Variants in SLC4A10 observed in about 807,000 individuals in gnomAD.
SLC4A10 encodes the protein sodium-driven chloride bicarbonate exchanger.
Under a neutral mutation model 137.7 loss-of-function variants are expected in SLC4A10, and 42 were observed. The observed-to-expected ratio is 0.30, with a 90% CI of 0.24 to 0.39. SLC4A10 has a LOEUF of 0.39. Ranked by LOEUF, SLC4A10 falls within the 10% of genes least tolerant of loss-of-function variation. The pLI is 1.00. For synonymous variants in SLC4A10, 474 were observed against 464.1 expected, an observed-to-expected ratio of 1.02 and a Z score of -0.27; for missense variants, 925 against 1,355.0, an observed-to-expected ratio of 0.68 and a Z score of 4.98.
chr2:161,916,006 G>A (rs55693861), intron 15 of SLC4A10, among the ~76,000 whole-genome samples: 10,198 of 152,180 alleles, frequency 0.067, 446 homozygotes, highest in East Asian at 0.13. Context: ...GAGACCATGT[G>A]AGGACACAGC....
intron 1 of SLC4A10, among the ~76,000 whole-genome samples, chr2:161,768,101 T>C (rs979370701): frequency 6.6e-6 from 1 of 152,006 alleles, no homozygotes; most frequent in Non-Finnish European, 1.5e-5. Flanking sequence ...TAGGCAAAGG[T>C]CTAACTGACT....
chr2:161,746,136 A>G (rs1013935293), intron 1 of SLC4A10, among the ~76,000 whole-genome samples: 6 of 151,962 alleles, frequency 3.9e-5, no homozygotes, highest in Non-Finnish European at 8.8e-5. Flanking sequence ...TAAGTAGGTG[A>G]TGAATCTTCC....
At chr2:161,853,730 T>G (rs1480183776) in intron 4 of SLC4A10, among the ~76,000 whole-genome samples, 1 of 152,240 alleles carries the variant, frequency 6.6e-6, no homozygotes, top group Non-Finnish European at 1.5e-5. Flanking sequence ...ATGTAAGTTT[T>G]TTCAATATGG....
At chr2:161,773,919 G>C (rs1304676776) in intron 2 of SLC4A10, among the ~76,000 whole-genome samples, 1 of 151,374 alleles carries the variant, frequency 6.6e-6, no homozygotes, top group East Asian at 1.9e-4. Flanking sequence ...CATGCGGTCG[G>C]TACATTCTTT....
intron 1 of SLC4A10, among the ~76,000 whole-genome samples, chr2:161,697,088 G>C (rs1440059130): frequency 6.6e-6 from 1 of 152,146 alleles, no homozygotes; most frequent in East Asian, 1.9e-4. Flanking sequence ...GTGTCTTTTG[G>C]CTGCATAGAT....
At chr2:161,714,982 C>G (rs922250304) in intron 1 of SLC4A10, among the ~76,000 whole-genome samples, 11 of 151,752 alleles carry the variant, frequency 7.2e-5, no homozygotes, top group African/African-American at 2.7e-4. Context: ...TGTATACACA[C>G]AAATATGCAT....
chr2:161,941,792 G>A (rs1692751941), intron 15 of SLC4A10, among the ~76,000 whole-genome samples: 1 of 152,094 alleles, frequency 6.6e-6, no homozygotes, highest in South Asian at 2.1e-4. Flanking sequence ...TAACAAGGTA[G>A]GGGGTGTTAC....
intron 3 of SLC4A10, among the ~76,000 whole-genome samples, chr2:161,817,746 C>T (rs2057229479): frequency 1.3e-5 from 2 of 152,020 alleles, no homozygotes; most frequent in Non-Finnish European, 2.9e-5. Context: ...AATTCTTTCC[C>T]CATTGCTTGT....
intron 9 of SLC4A10, 41 bp from the exon 10 acceptor site, chr2:161,882,316 A>G: frequency 7.9e-7 from 1 of 1,260,186 alleles, no homozygotes; most frequent in Non-Finnish European, 1.1e-6. Flanking sequence ...AATTATTTTT[A>G]TATTTCTACC....
chr2:161,717,978 G>T (rs1462433674), intron 1 of SLC4A10, among the ~76,000 whole-genome samples: 2 of 152,016 alleles, frequency 1.3e-5, no homozygotes, highest in Non-Finnish European at 2.9e-5. Flanking sequence ...ACTTGTTATT[G>T]GTTATTGGTT....
chr2:161,832,835 G>A (rs572700532), intron 3 of SLC4A10, among the ~76,000 whole-genome samples: 1 of 152,270 alleles, frequency 6.6e-6, no homozygotes, highest in African/African-American at 2.4e-5. Context: ...CCGCCTCCCG[G>A]GTTCACGCCA....
chr2:161,837,360 A>G (rs961293358), intron 3 of SLC4A10, among the ~76,000 whole-genome samples: 15 of 152,208 alleles, frequency 9.9e-5, no homozygotes, highest in African/African-American at 3.6e-4. Flanking sequence ...TGAAATATCT[A>G]GGTATAAATT....
intron 1 of SLC4A10, among the ~76,000 whole-genome samples, chr2:161,748,534 G>C (rs1337402114): frequency 6.6e-6 from 1 of 151,594 alleles, no homozygotes; most frequent in Non-Finnish European, 1.5e-5. Flanking sequence ...TTGTTGAAAA[G>C]ACTGTTCTTT....
chr2:161,925,848 A>G (rs374836495), intron 15 of SLC4A10, among the ~76,000 whole-genome samples: 4 of 151,856 alleles, frequency 2.6e-5, no homozygotes, highest in Non-Finnish European at 2.9e-5. Context: ...CAGTTTCCAT[A>G]TAGTTGAGCG....
chr2:161,784,877 G>A (rs543071790), intron 2 of SLC4A10, among the ~76,000 whole-genome samples: 1 of 150,576 alleles, frequency 6.6e-6, no homozygotes, highest in African/African-American at 2.4e-5. Context: ...AAAGTTAGCT[G>A]ATAGGAAGAA....
intron 2 of SLC4A10, among the ~76,000 whole-genome samples, chr2:161,792,214 A>C (rs1330738876): frequency 6.6e-6 from 1 of 151,762 alleles, no homozygotes; most frequent in Non-Finnish European, 1.5e-5. Flanking sequence ...GTTTTCAACC[A>C]ATCACTATTT....
chr2:161,626,578 C>A (rs943659807), intron 1 of SLC4A10, among the ~76,000 whole-genome samples: 1 of 152,124 alleles, frequency 6.6e-6, no homozygotes, highest in Non-Finnish European at 1.5e-5. Context: ...AATTACTGGT[C>A]CAGTTTTATA....
At chr2:161,853,712 T>C (rs1459118906) in intron 4 of SLC4A10, among the ~76,000 whole-genome samples, 1 of 152,232 alleles carries the variant, frequency 6.6e-6, no homozygotes, top group Admixed American at 6.5e-5. Context: ...TGGTGATTTG[T>C]GGCTTAAATG....
chr2:161,645,453 A>G (rs2035906288), intron 1 of SLC4A10, among the ~76,000 whole-genome samples: 1 of 152,046 alleles, frequency 6.6e-6, no homozygotes, highest in African/African-American at 2.4e-5. Context: ...AAAAGACAAC[A>G]TGTAATTTTT....
Sources: gnomAD v4.1 joint callset for allele counts (sites outside exome capture counted in the v4.1 genomes callset) on GRCh38, gnomAD v4.1.1 for gene constraint, MANE v1.5 for transcripts, NCBI Gene and HGNC (gene_info 2026-07-23, HGNC 2026-07-21) for gene names.